GLI3: variants seen among roughly 807,000 people sequenced by gnomAD.
The protein encoded by GLI3 is transcription activator GLI3.
A neutral mutation model predicts 100.8 loss-of-function variants in GLI3; 20 were observed. The observed-to-expected ratio is 0.20, with a 90% CI of 0.14 to 0.29. GLI3 has a LOEUF of 0.29. Ranked by LOEUF, GLI3 falls within the 10% of genes least tolerant of loss-of-function variation. GLI3 has a pLI of 1.00. For missense variants in GLI3, 2,040 were observed against 2,128.5 expected, an observed-to-expected ratio of 0.96 and a Z score of 0.82; for synonymous variants, 938 against 860.5, an observed-to-expected ratio of 1.09 and a Z score of -1.58.
At chr7:42,206,760 T>TA (rs1377545241) in intron 2 of GLI3, among the ~76,000 whole-genome samples, 5 of 152,146 alleles carry the variant, frequency 3.3e-5, no homozygotes, top group African/African-American at 1.2e-4. Context: ...GATCATACAA[T>TA]AAAATTTTAC....
At chr7:42,159,251 G>A (rs559249237) in intron 2 of GLI3, among the ~76,000 whole-genome samples, 28 of 152,128 alleles carry the variant, frequency 1.8e-4, no homozygotes, top group Non-Finnish European at 4.0e-4. Context: ...AGTTAGAGCC[G>A]CACATAGTTT....
At chr7:42,046,076 T>TA (rs1351739859) in intron 5 of GLI3, among the ~76,000 whole-genome samples, 1 of 152,214 alleles carries the variant, frequency 6.6e-6, no homozygotes, top group Non-Finnish European at 1.5e-5. Flanking sequence ...TTCCATAATT[T>TA]AAAAGCTCTC....
intron 10 of GLI3, among the ~76,000 whole-genome samples, chr7:42,011,047 C>T (rs117149066): frequency 0.014 from 2,134 of 152,350 alleles, 24 homozygotes; most frequent in Non-Finnish European, 0.021. Context: ...ATCTACCAGT[C>T]TATTTTATTT....
At chr7:41,991,192 C>A (rs1389382583) in intron 10 of GLI3, among the ~76,000 whole-genome samples, 1 of 152,172 alleles carries the variant, frequency 6.6e-6, no homozygotes, top group Non-Finnish European at 1.5e-5. Flanking sequence ...GCCTTCAATG[C>A]ACGGACACAT....
chr7:42,175,014 C>A (rs1286092023), intron 2 of GLI3, among the ~76,000 whole-genome samples: 2 of 152,112 alleles, frequency 1.3e-5, no homozygotes, highest in Non-Finnish European at 2.9e-5. Flanking sequence ...GTCTTTCCTG[C>A]CTGATTTCTG....
intron 4 of GLI3, among the ~76,000 whole-genome samples, chr7:42,052,769 T>C (rs1208111986): frequency 6.6e-6 from 1 of 152,232 alleles, no homozygotes; most frequent in Non-Finnish European, 1.5e-5. Context: ...ACTTATTAAT[T>C]GTTTCCACAT....
At chr7:42,077,370 C>CTTTT (rs1554323165) in intron 3 of GLI3, among the ~76,000 whole-genome samples, 1,780 of 110,252 alleles carry the variant, frequency 0.016, 44 homozygotes, top group African/African-American at 0.057. Context: ...GCATGTGCTT[C>CTTTT]TTTTTTTTTT....
At chr7:42,124,113 GT>G (rs902400434) in intron 3 of GLI3, among the ~76,000 whole-genome samples, 15 of 152,254 alleles carry the variant, frequency 9.9e-5, no homozygotes, top group African/African-American at 3.4e-4. Context: ...GTGGAGAGGA[GT>G]TACCCTTAAA....
At chr7:42,045,077 G>T (rs1341610175) in intron 6 of GLI3, among the ~76,000 whole-genome samples, 4 of 152,138 alleles carry the variant, frequency 2.6e-5, no homozygotes, top group Non-Finnish European at 5.9e-5. Flanking sequence ...TGTAGAGATA[G>T]ATCTCGCTAT....
At chr7:42,149,494 T>G (rs1385937023) in intron 2 of GLI3, among the ~76,000 whole-genome samples, 1 of 152,212 alleles carries the variant, frequency 6.6e-6, no homozygotes, top group Non-Finnish European at 1.5e-5. Flanking sequence ...CCACAACAAG[T>G]GGACCAATTC....
At chr7:42,009,425 C>T (rs993201326) in intron 10 of GLI3, among the ~76,000 whole-genome samples, 8 of 151,832 alleles carry the variant, frequency 5.3e-5, no homozygotes, top group African/African-American at 1.9e-4. Flanking sequence ...TTTCTTGTCC[C>T]CTTTGAAAGT....
At chr7:42,057,141 A>G (rs1562707617) in intron 4 of GLI3, among the ~76,000 whole-genome samples, 2 of 152,228 alleles carry the variant, frequency 1.3e-5, no homozygotes, top group African/African-American at 4.8e-5. Flanking sequence ...GCATTTTCTC[A>G]GGCATTATGC....
At chr7:41,982,383 C>T (rs900279262) in intron 10 of GLI3, among the ~76,000 whole-genome samples, 13 of 152,172 alleles carry the variant, frequency 8.5e-5, no homozygotes, top group Admixed American at 7.9e-4. Context: ...AACTCACAGA[C>T]TTAACATGTG....
chr7:42,089,797 C>T (rs1785179297), intron 3 of GLI3, among the ~76,000 whole-genome samples: 1 of 152,212 alleles, frequency 6.6e-6, no homozygotes, highest in Non-Finnish European at 1.5e-5. Flanking sequence ...GTTGACTCCA[C>T]AAAGTTGTAC....
intron 3 of GLI3, among the ~76,000 whole-genome samples, chr7:42,100,740 C>T (rs931888750): frequency 2.0e-5 from 3 of 151,676 alleles, no homozygotes; most frequent in African/African-American, 4.8e-5. Flanking sequence ...AGACTCTTTC[C>T]AAGAAAAAGA....
intron 2 of GLI3, among the ~76,000 whole-genome samples, chr7:42,202,397 G>A (rs1788062960): frequency 6.8e-6 from 1 of 147,444 alleles, no homozygotes; most frequent in Non-Finnish European, 1.5e-5. Context: ...CACACACACA[G>A]GGCAAATCAG....
intron 4 of GLI3, among the ~76,000 whole-genome samples, chr7:42,060,747 T>G (rs928663000): frequency 2.6e-5 from 4 of 152,158 alleles, no homozygotes; most frequent in Non-Finnish European, 4.4e-5. Flanking sequence ...GTAGAAAGAA[T>G]GGCTCCTCAA....
intron 2 of GLI3, among the ~76,000 whole-genome samples, chr7:42,220,433 C>T (rs1788463549): frequency 6.6e-6 from 1 of 152,158 alleles, no homozygotes; most frequent in Admixed American, 6.5e-5. Context: ...AGCCAGCACA[C>T]GAATAGTGTC....
chr7:42,082,507 T>C (rs1785017227), intron 3 of GLI3, among the ~76,000 whole-genome samples: 1 of 152,098 alleles, frequency 6.6e-6, no homozygotes, highest in African/African-American at 2.4e-5. Context: ...CACCATGATC[T>C]ACCGTGAGCG....
Sources: gnomAD v4.1 joint callset for allele counts (sites outside exome capture counted in the v4.1 genomes callset) on GRCh38, gnomAD v4.1.1 for gene constraint, MANE v1.5 for transcripts, NCBI Gene and HGNC (gene_info 2026-07-23, HGNC 2026-07-21) for gene names.